The following MITF variants were observed in gnomAD, a reference collection of about 807,000 sequenced individuals.
The protein encoded by MITF is melanocyte inducing transcription factor.
A neutral mutation model predicts 60.5 loss-of-function variants in MITF; 17 were observed. The observed-to-expected ratio is 0.28, with a 90% confidence interval of 0.19 to 0.42. MITF has a LOEUF of 0.42. MITF is among the 10% of genes least tolerant of loss of function. The pLI is 1.00. For synonymous variants in MITF, 260 were observed against 248.5 expected (o/e 1.05, Z -0.43); for missense variants, 622 against 683.5 (o/e 0.91, Z 1.00).
chr3:69,878,977 C>A (rs999103563), intron 1 of MITF, 157 bp from the exon 2 acceptor site: 8 of 669,492 alleles, frequency 1.2e-5, no homozygotes, highest in Admixed American at 2.2e-5. Context: ...AATCCTGTCA[C>A]CTCTTGATTT....
intron 7 of MITF, among the ~76,000 whole-genome samples, chr3:69,953,496 T>C (rs1197223883): frequency 1.3e-5 from 2 of 152,062 alleles, no homozygotes; most frequent in African/African-American, 2.4e-5. Flanking sequence ...TAGGAATTTA[T>C]TTTGTAAGAA....
intron 2 of MITF, among the ~76,000 whole-genome samples, chr3:69,888,044 G>A (rs1049259160): frequency 4.6e-5 from 7 of 152,022 alleles, no homozygotes; most frequent in Admixed American, 6.6e-5. Context: ...TCAATCACCC[G>A]GTCGGGAAGT....
intron 1 of MITF, among the ~76,000 whole-genome samples, chr3:69,852,094 C>A (rs2063833675): frequency 6.6e-6 from 1 of 152,006 alleles, no homozygotes; most frequent in Non-Finnish European, 1.5e-5. Flanking sequence ...GAGAAAGAGG[C>A]ATCTAGATGG....
chr3:69,817,979 C>T (rs565052150), intron 1 of MITF, among the ~76,000 whole-genome samples: 1 of 152,120 alleles, frequency 6.6e-6, no homozygotes, highest in Non-Finnish European at 1.5e-5. Context: ...TTTGTAAACA[C>T]ATATGCATTA....
intron 2 of MITF, among the ~76,000 whole-genome samples, chr3:69,908,543 A>G (rs775537774): frequency 6.6e-6 from 1 of 152,200 alleles, no homozygotes. Context: ...TAAATATCAT[A>G]TGGAAATAAT....
At chr3:69,878,070 C>T (rs976476897) in intron 1 of MITF, among the ~76,000 whole-genome samples, 1 of 152,132 alleles carries the variant, frequency 6.6e-6, no homozygotes, top group Non-Finnish European at 1.5e-5. Flanking sequence ...ACATGGTACT[C>T]ATTGTACTAG....
chr3:69,857,656 C>G (rs377595103), intron 1 of MITF, among the ~76,000 whole-genome samples: 1 of 151,994 alleles, frequency 6.6e-6, no homozygotes, highest in South Asian at 2.1e-4. Flanking sequence ...TTAAAGGTTG[C>G]AAATGCATTC....
intron 1 of MITF, chr3:69,764,005 G>A (rs1426307066): frequency 1.6e-6 from 2 of 1,213,962 alleles, no homozygotes; most frequent in East Asian, 4.6e-5. Flanking sequence ...GTTTTTTAAG[G>A]GATGTCAATC....
At position 69,959,401 on chromosome 3, in the gene MITF, A is replaced by G. The variant is rs1051478050; in HGVS notation, c.1160A>G (p.His387Arg). ...RQKKLEHANR[H>R]LLLRIQELEM... ...AAGAAACTGGAGCACGCCAACCGGC[A>G]TTTGTTGCTCAGAATACAGGTACGC... The change falls in exon 9 of 10, where the codon CAT becomes CGT. Residue 387 changes from histidine (H) to arginine (R), a missense_variant. By Grantham distance (29) the His-to-Arg change is conservative. Coordinates refer to ENST00000352241, the MANE Select transcript of MITF (RefSeq NM_001354604.2). 1.2e-6 allele frequency: 2 copies of G among 1,613,972 alleles called. No homozygotes were observed. The highest frequency in any genetic ancestry group is 1.7e-6 in the Non-Finnish European group (2 of 1,179,872).
intron 2 of MITF, chr3:69,936,816 C>G: frequency 2.0e-6 from 3 of 1,510,468 alleles, no homozygotes; most frequent in Non-Finnish European, 2.8e-6. Context: ...TTGATTTAAT[C>G]CACTTTTTGT....
At chr3:69,855,863 T>TTTTTG (rs145644250) in intron 1 of MITF, among the ~76,000 whole-genome samples, 1 of 152,224 alleles carries the variant, frequency 6.6e-6, no homozygotes. Context: ...GCCTTGATTT[T>TTTTTG]TTTTGTTTTG....
intron 2 of MITF, among the ~76,000 whole-genome samples, chr3:69,926,444 A>G (rs1044001270): frequency 1.3e-5 from 2 of 152,176 alleles, no homozygotes; most frequent in Non-Finnish European, 2.9e-5. Flanking sequence ...ATCTCTGACA[A>G]ACTTGACCAC....
intron 1 of MITF, among the ~76,000 whole-genome samples, chr3:69,870,144 A>G (rs1460071096): frequency 1.3e-5 from 2 of 149,372 alleles, no homozygotes; most frequent in Non-Finnish European, 3.0e-5. Flanking sequence ...TTGTATTTGA[A>G]TTAATAAAAA....
intron 5 of MITF, among the ~76,000 whole-genome samples, chr3:69,948,690 A>G (rs1357087006): frequency 6.6e-6 from 1 of 152,172 alleles, no homozygotes; most frequent in Non-Finnish European, 1.5e-5. Context: ...CTGTTTTACA[A>G]TAATAGCCAA....
chr3:69,752,834 C>G (rs1441189850), intron 1 of MITF, among the ~76,000 whole-genome samples: 2 of 152,196 alleles, frequency 1.3e-5, no homozygotes, highest in African/African-American at 2.4e-5. Flanking sequence ...TTGTCATTCT[C>G]TCTTGCTGCT....
Position 69,964,763 on chromosome 3 carries a change from T to G in MITF, c.1180-84T>G, listed in dbSNP as rs547273017. 3.9e-5 allele frequency: 48 copies of G among 1,236,544 alleles called. No homozygotes were observed. The African/African-American group carries it at 6.3e-4, about 16-fold the overall frequency. 76.6% of individuals were successfully genotyped at this position (1,236,544 alleles called of 1,614,324 possible). A position where few individuals can be genotyped will look rare whatever the true frequency, so the allele number is the denominator to read the frequency against. On this transcript the variant is annotated intron_variant, in intron 9 of 9. Coordinates refer to ENST00000352241, the MANE Select transcript of MITF (RefSeq NM_001354604.2). The stretch of plus-strand genomic sequence containing the variant: ...GTCTAATGACGCGCATCTACCATTA[T>G]AGTATCATATAGAGTGGTTTCACAG...
intron 2 of MITF, among the ~76,000 whole-genome samples, chr3:69,882,697 G>A (rs2064517650): frequency 1.3e-5 from 2 of 152,148 alleles, no homozygotes; most frequent in African/African-American, 2.4e-5. Context: ...AGAGTAACGG[G>A]ACAGAACTGT....
At chr3:69,867,061 C>CATTT (rs2064130091) in intron 1 of MITF, among the ~76,000 whole-genome samples, 1 of 152,132 alleles carries the variant, frequency 6.6e-6, no homozygotes, top group Non-Finnish European at 1.5e-5. Context: ...CATCCTTTAA[C>CATTT]ATTTACTTTC....
intron 2 of MITF, among the ~76,000 whole-genome samples, chr3:69,880,518 T>C (rs2064462049): frequency 6.6e-6 from 1 of 152,074 alleles, no homozygotes; most frequent in Admixed American, 6.5e-5. Context: ...TAGCATAAAG[T>C]TTTACTCTAA....
Sources: allele counts gnomAD v4.1 joint callset (sites outside exome capture counted in the v4.1 genomes callset), GRCh38; gene constraint gnomAD v4.1.1; transcripts MANE v1.5; gene names NCBI Gene and HGNC (gene_info 2026-07-23, HGNC 2026-07-21).